Variants in POU6F1 observed in about 807,000 individuals in gnomAD.
POU6F1 encodes POU domain, class 6, transcription factor 1.
In POU6F1, 9 loss-of-function variants were observed where a neutral mutation model predicts 28.9. That is an observed-to-expected ratio of 0.31 (90% CI 0.19 to 0.54). The LOEUF (loss-of-function observed/expected upper bound fraction) is 0.54. Among genes scored for constraint, POU6F1 ranks in the 20% least tolerant of loss-of-function variants. The pLI, the probability that POU6F1 is intolerant of heterozygous loss-of-function variation, is 0.94. For missense variants in POU6F1, 338 were observed against 426.1 expected, an observed-to-expected ratio of 0.79 and a Z score of 1.82; for synonymous variants, 173 against 171.1, an observed-to-expected ratio of 1.01 and a Z score of -0.09.
chr12:51,211,304 G>C (rs1943969239), intron 1 of POU6F1, among the ~76,000 whole-genome samples: 1 of 152,214 alleles, frequency 6.6e-6, no homozygotes, highest in South Asian at 2.1e-4. Flanking sequence ...GCTGGGGAGA[G>C]AGCCAGAGCC....
At chr12:51,191,873 G>A in intron 9 of POU6F1, 109 bp from the exon 10 acceptor site, 1 of 1,368,004 alleles carries the variant, frequency 7.3e-7, no homozygotes, top group Non-Finnish European at 1.0e-6. Flanking sequence ...GGACACCTGG[G>A]AAAAGGCTCA....
In POU6F1 at chr12:51,215,084, T is replaced by A. The variant is rs528625022; in HGVS notation, c.-48+2558A>T. 2.2e-4 allele frequency among the ~76,000 whole-genome samples: 33 copies of A among 152,220 alleles called. 1 individual carries two copies. In the South Asian group the frequency reaches 6.8e-3, roughly 32 times the overall value. ...CATATCCCTGGTGCCTAAGATAATA[T>A]CTGGTATATAACTAGGTTCATGAAT... On this transcript the variant is annotated intron_variant, in intron 1 of 10. Coordinates refer to ENST00000333640, the MANE Select transcript of POU6F1 (RefSeq NM_001330422.2).
Position 51,190,957 on chromosome 12 carries a change from C to T in POU6F1, c.1491-365G>A, listed in dbSNP as rs1416340621. On this transcript the variant is annotated intron_variant, in intron 10 of 10. Transcript: ENST00000333640. The surrounding 1 kb of genome is among the most constrained non-coding windows in gnomAD (Gnocchi z 4.5). Reference sequence around the variant, plus strand: ...GCCTCCAGTCACACTCCCATAGCAGCATCACTAACAAGTCAGGCTGCTCTT... The same window carrying T: ...GCCTCCAGTCACACTCCCATAGCAGTATCACTAACAAGTCAGGCTGCTCTT... 6.6e-6 allele frequency among the ~76,000 whole-genome samples: 1 copy of T among 152,164 alleles called. No individual in the cohort carries two copies. Among genetic ancestry groups the T allele is most frequent in the Non-Finnish European group, 1.5e-5 (1 of 68,028 alleles).
chr12:51,198,450 G>A (rs942022074), intron 5 of POU6F1, 100 bp downstream of exon 5: 2 of 398,566 alleles, frequency 5.0e-6, no homozygotes, highest in Admixed American at 4.4e-5. Flanking sequence ...CGGTTGCCCT[G>A]GGTGGGCCGT....
intron 7 of POU6F1, among the ~76,000 whole-genome samples, chr12:51,196,542 C>A (rs1942838422): frequency 1.3e-5 from 2 of 152,218 alleles, no homozygotes; most frequent in African/African-American, 4.8e-5. Context: ...TATGAGAAAG[C>A]ACCTAGCATA....
In POU6F1 at chr12:51,217,341, G is replaced by A. The variant is rs1188536799; in HGVS notation, c.-48+301C>T. On this transcript the variant is annotated intron_variant, in intron 1 of 10. Transcript: ENST00000333640. This position sits in a 1 kb window ranked among gnomAD's most constrained non-coding sequence, Gnocchi z 5.3. ...AGGGGCCAGGTCGGGGTTCCCCACC[G>A]GGTCCACCTGGCGGCCGCCCCCTCC... 6.6e-6 allele frequency among the ~76,000 whole-genome samples: 1 copy of A among 152,052 alleles called. No homozygotes were observed. Among genetic ancestry groups the A allele is most frequent in the African/African-American group, 2.4e-5 (1 of 41,426 alleles).
rs1178234040 is a variant in POU6F1, at chr12:51,188,708, T to C, written c.*1539A>G. ...AGTGACTGACAGAGGTGGTGATGTGTCCCCAGCTGACGGTCCTTCCCTCAG... is the reference window on the plus strand; with the variant it reads ...AGTGACTGACAGAGGTGGTGATGTGCCCCCAGCTGACGGTCCTTCCCTCAG... On this transcript the variant is annotated 3_prime_UTR_variant, in exon 11 of 11. Transcript: ENST00000333640. 1 of 152,240 alleles carries C rather than the reference T, an allele frequency of 6.6e-6. No individual in the cohort carries two copies. The highest frequency in any genetic ancestry group is 1.5e-5 in the Non-Finnish European group (1 of 68,068). 9.4% of individuals were successfully genotyped at this position (152,240 alleles called of 1,614,324 possible). A position where few individuals can be genotyped will look rare whatever the true frequency, so the allele number is the denominator to read the frequency against.
Position 51,191,637 on chromosome 12 carries a change from A to T in POU6F1, c.1449T>A (p.Thr483=). 6.2e-7 allele frequency: 1 copy of T among 1,614,030 alleles called. No homozygotes were observed. Among genetic ancestry groups the T allele is most frequent in the Non-Finnish European group, 8.5e-7 (1 of 1,180,040 alleles). The change falls in exon 10 of 11, where the codon ACT becomes ACA. Residue 483 remains threonine (T), a synonymous_variant. Coordinates refer to ENST00000333640, the MANE Select transcript of POU6F1 (RefSeq NM_001330422.2). ...GGCTGTAGGCTGGACCTTCCGTTGC[A>T]GTCAGAGCCTGACCCACCTGGGTCT... is the stretch of plus-strand genomic sequence containing the variant. ...LTQTQVGQAL[T]ATEGPAYSQS...
intron 1 of POU6F1, among the ~76,000 whole-genome samples, chr12:51,215,874 G>A (rs1405844271): frequency 6.6e-6 from 1 of 152,134 alleles, no homozygotes; most frequent in Admixed American, 6.5e-5. Flanking sequence ...TTATTGTGAG[G>A]ATTAAATTGA....
Position 51,190,588 on chromosome 12 carries a change from C to T in POU6F1, c.1495G>A (p.Glu499Lys), listed in dbSNP as rs1450280800. 6.2e-7 allele frequency: 1 copy of T among 1,612,258 alleles called. No individual in the cohort carries two copies. Among genetic ancestry groups the T allele is most frequent in the Non-Finnish European group, 8.5e-7 (1 of 1,178,708 alleles). The change falls in exon 11 of 11, where the codon GAG becomes AAG. Residue 499 changes from glutamate (E) to lysine (K), a missense_variant. Physicochemically the swap from Glu to Lys is moderately conservative, Grantham distance 56. Coordinates refer to ENST00000333640, the MANE Select transcript of POU6F1 (RefSeq NM_001330422.2). The surrounding 1 kb of genome is among the most constrained non-coding windows in gnomAD (Gnocchi z 4.5). ...CTCTTGGGTGTGATGTCTAGCTTCT[C>T]GAACCTGTGGGCAACCCATACCCAG... is the stretch of plus-strand genomic sequence containing the variant. ...AYSQSAICRF[E>K]KLDITPKSAQ...
At chr12:51,196,231 A>C in intron 7 of POU6F1, 58 bp from the exon 8 acceptor site, 1 of 1,347,384 alleles carries the variant, frequency 7.4e-7, no homozygotes, top group Non-Finnish European at 9.9e-7. Flanking sequence ...CTCCACCCCA[A>C]ACCCAGATCC....
At chr12:51,204,042 T>C (rs778552735) in intron 3 of POU6F1, 131 bp downstream of exon 3, 10 of 397,628 alleles carry the variant, frequency 2.5e-5, no homozygotes, top group Non-Finnish European at 4.0e-5. Flanking sequence ...AGGCACAGGC[T>C]GTCCAGTGGG....
At chr12:51,191,532 T>C in intron 10 of POU6F1, 64 bp downstream of exon 10, 5 of 1,559,078 alleles carry the variant, frequency 3.2e-6, no homozygotes, top group East Asian at 2.3e-5. Flanking sequence ...CAGGTTCCCA[T>C]GAGTGCCCGG....
intron 1 of POU6F1, among the ~76,000 whole-genome samples, chr12:51,212,797 A>G (rs921166944): frequency 6.6e-6 from 1 of 151,130 alleles, no homozygotes; most frequent in African/African-American, 2.4e-5. Flanking sequence ...AAAAAAAAAA[A>G]AAAAGAAAGC....
At chr12:51,202,323 A>G (rs1943271753) in intron 3 of POU6F1, 1 of 151,760 alleles carries the variant, frequency 6.6e-6, no homozygotes, top group Admixed American at 6.6e-5. Flanking sequence ...AGGGAATTTT[A>G]TTTTATTTTA....
chr12:51,215,750 G>T (rs947560381), intron 1 of POU6F1, among the ~76,000 whole-genome samples: 1 of 152,002 alleles, frequency 6.6e-6, no homozygotes, highest in African/African-American at 2.4e-5. Flanking sequence ...GGGGTCAAAG[G>T]CAGGTTTAAA....
chr12:51,197,744 A>G, intron 6 of POU6F1, 26 bp downstream of exon 6: 1 of 398,520 alleles, frequency 2.5e-6, no homozygotes, highest in South Asian at 1.3e-4. Flanking sequence ...ATCCCTGGTC[A>G]GCCCTGGGTG....
Position 51,204,648 on chromosome 12 carries a change from A to C in POU6F1, c.49-280T>G, listed in dbSNP as rs183211684. 2.2e-4 allele frequency among the ~76,000 whole-genome samples: 34 copies of C among 152,264 alleles called. No individual in the cohort carries two copies. The East Asian group carries it at 5.8e-3, about 26-fold the overall frequency. ...CCCAGAGCCAAACCATTTGGGAGCT[A>C]ATTTCTCTTTGTTCCATCTCTTGGA... On this transcript the variant is annotated intron_variant, in intron 2 of 10. Coordinates refer to ENST00000333640, the MANE Select transcript of POU6F1 (RefSeq NM_001330422.2).
At chr12:51,212,917 T>A (rs1466418829) in intron 1 of POU6F1, among the ~76,000 whole-genome samples, 1 of 151,536 alleles carries the variant, frequency 6.6e-6, no homozygotes, top group Non-Finnish European at 1.5e-5. Context: ...GAGGGACACC[T>A]AACACCTAAT....
Sources: allele counts gnomAD v4.1 joint callset (sites outside exome capture counted in the v4.1 genomes callset), GRCh38; gene constraint gnomAD v4.1.1; non-coding constraint Gnocchi (gnomAD v3.1); transcripts MANE v1.5; gene names NCBI Gene and HGNC (gene_info 2026-07-23, HGNC 2026-07-21).